PRR5L: variants seen among roughly 807,000 people sequenced by gnomAD.
The protein encoded by PRR5L is proline rich 5 like.
Under a neutral mutation model 36.4 loss-of-function variants are expected in PRR5L, and 21 were observed. The ratio of observed to expected loss-of-function variants is 0.58; its 90% CI spans 0.41 to 0.83. PRR5L has a LOEUF of 0.83. Ranked by LOEUF, PRR5L falls within the 40% of genes least tolerant of loss-of-function variation. The pLI, the probability that PRR5L is intolerant of heterozygous loss-of-function variation, is 0.00. For synonymous variants in PRR5L, 188 were observed against 197.0 expected (o/e 0.95, Z 0.38); for missense variants, 381 against 473.3 (o/e 0.80, Z 1.81).
chr11:36,343,078 T>C (rs1856832180), intron 1 of PRR5L, among the ~76,000 whole-genome samples: 1 of 152,220 alleles, frequency 6.6e-6, no homozygotes, highest in Admixed American at 6.5e-5. Flanking sequence ...CAATTTAGCA[T>C]GAAGGGCTGA....
chr11:36,323,534 T>C (rs1856633322), intron 1 of PRR5L: 1 of 152,218 alleles, frequency 6.6e-6, no homozygotes, highest in South Asian at 2.1e-4. Context: ...TCCTGTGGGC[T>C]CTTATACATA....
chr11:36,339,250 C>T (rs1226132658), intron 1 of PRR5L, among the ~76,000 whole-genome samples: 1 of 152,218 alleles, frequency 6.6e-6, no homozygotes, highest in African/African-American at 2.4e-5. Context: ...CCGGCCACCA[C>T]ACCCAGCTAA....
At chr11:36,329,534 C>T (rs986859370) in intron 1 of PRR5L, among the ~76,000 whole-genome samples, 5 of 152,182 alleles carry the variant, frequency 3.3e-5, no homozygotes, top group Admixed American at 3.3e-4. Flanking sequence ...TTTCTTTCTA[C>T]AATTATTCCC....
At chr11:36,402,075 T>A (rs1004289417) in intron 2 of PRR5L, among the ~76,000 whole-genome samples, 11 of 152,238 alleles carry the variant, frequency 7.2e-5, no homozygotes, top group Non-Finnish European at 1.2e-4. Flanking sequence ...GTTAGGTGTC[T>A]AGCCAACCTT....
At chr11:36,459,984 C>T (rs569521720) in intron 8 of PRR5L, among the ~76,000 whole-genome samples, 175 of 152,234 alleles carry the variant, frequency 1.1e-3, no homozygotes, top group African/African-American at 4.1e-3. Flanking sequence ...AAAGACGTAT[C>T]AATAAAAAGA....
At chr11:36,380,389 G>C (rs963395973) in intron 1 of PRR5L, 1 of 151,982 alleles carries the variant, frequency 6.6e-6, no homozygotes, top group Admixed American at 6.6e-5. Flanking sequence ...TCTGCTGCCC[G>C]GTGTTGGCTT....
chr11:36,384,808 G>A (rs373658710), intron 1 of PRR5L, among the ~76,000 whole-genome samples: 1 of 151,146 alleles, frequency 6.6e-6, no homozygotes, highest in South Asian at 2.1e-4. Flanking sequence ...GAGTAGGTAG[G>A]ACTACAGGCA....
intron 7 of PRR5L, 117 bp from the exon 8 acceptor site, chr11:36,451,092 C>A: frequency 7.8e-7 from 1 of 1,285,076 alleles, no homozygotes; most frequent in Non-Finnish European, 1.1e-6. Flanking sequence ...AGGATGCTGC[C>A]TGCCAGCAAC....
chr11:36,325,532 C>A (rs965522852), intron 1 of PRR5L, among the ~76,000 whole-genome samples: 1 of 152,204 alleles, frequency 6.6e-6, no homozygotes. Flanking sequence ...GGGTTTATAT[C>A]CTGATCATTG....
At chr11:36,313,251 G>A (rs1565380294) in intron 1 of PRR5L, among the ~76,000 whole-genome samples, 1 of 152,182 alleles carries the variant, frequency 6.6e-6, no homozygotes, top group African/African-American at 2.4e-5. Context: ...GTCAAGAAAT[G>A]TACCTAAAGT....
intron 2 of PRR5L, among the ~76,000 whole-genome samples, chr11:36,402,935 C>T (rs1375359884): frequency 6.6e-6 from 1 of 152,206 alleles, no homozygotes; most frequent in South Asian, 2.1e-4. Flanking sequence ...GTGAAAGAAC[C>T]GCAGGCATGG....
intron 1 of PRR5L, among the ~76,000 whole-genome samples, chr11:36,302,885 A>C (rs1012019014): frequency 1.6e-4 from 24 of 152,234 alleles, no homozygotes; most frequent in African/African-American, 5.8e-4. Context: ...CATCTATATG[A>C]GTTCGCCTAA....
intron 1 of PRR5L, among the ~76,000 whole-genome samples, chr11:36,382,082 C>T (rs570814312): frequency 3.9e-5 from 6 of 152,252 alleles, no homozygotes; most frequent in South Asian, 4.1e-4. Context: ...TGCTTGAAGC[C>T]GGGAGGCAGA....
chr11:36,365,571 G>A (rs1857136354), intron 1 of PRR5L, among the ~76,000 whole-genome samples: 1 of 152,082 alleles, frequency 6.6e-6, no homozygotes, highest in South Asian at 2.1e-4. Flanking sequence ...GTATTGCATG[G>A]AGTATTTTTC....
intron 6 of PRR5L, among the ~76,000 whole-genome samples, chr11:36,439,908 G>A (rs1458732352): frequency 6.6e-6 from 1 of 152,100 alleles, no homozygotes; most frequent in Non-Finnish European, 1.5e-5. Context: ...GAGGAGACAG[G>A]CTTGGTTTTG....
intron 1 of PRR5L, among the ~76,000 whole-genome samples, chr11:36,345,210 T>C (rs1243532889): frequency 6.6e-6 from 1 of 151,640 alleles, no homozygotes; most frequent in East Asian, 1.9e-4. Context: ...ACAGGATAGG[T>C]AGAGGAAGAA....
At chr11:36,455,609 G>A (rs1418123641) in intron 8 of PRR5L, among the ~76,000 whole-genome samples, 1 of 152,206 alleles carries the variant, frequency 6.6e-6, no homozygotes, top group Non-Finnish European at 1.5e-5. Flanking sequence ...GGAGCCCCAG[G>A]GGGTACCCAC....
chr11:36,315,218 CG>C (rs1046872352), intron 1 of PRR5L, among the ~76,000 whole-genome samples: 20 of 151,978 alleles, frequency 1.3e-4, no homozygotes, highest in African/African-American at 4.1e-4. Flanking sequence ...TTATGACTGT[CG>C]GGGAGATGAA....
chr11:36,317,729 T>C (rs894008452), intron 1 of PRR5L, among the ~76,000 whole-genome samples: 4 of 152,186 alleles, frequency 2.6e-5, no homozygotes, highest in Non-Finnish European at 5.9e-5. Context: ...GTTCCAGTTG[T>C]TCATCATTCT....
Sources: allele counts gnomAD v4.1 joint callset (sites outside exome capture counted in the v4.1 genomes callset), GRCh38; gene constraint gnomAD v4.1.1; transcripts MANE v1.5; gene names NCBI Gene and HGNC (gene_info 2026-07-23, HGNC 2026-07-21).